Variants in FARSB observed in about 807,000 individuals in gnomAD.
FARSB encodes the protein phenylalanine--tRNA ligase beta subunit.
FARSB carries 40 observed loss-of-function variants against 69.6 expected under a neutral mutation model. The ratio of observed to expected loss-of-function variants is 0.57; its 90% CI spans 0.45 to 0.75. The LOEUF (loss-of-function observed/expected upper bound fraction) is 0.75, where lower values mean the gene tolerates loss of function less well. FARSB is among the 30% of genes least tolerant of loss of function. The probability of loss-of-function intolerance (pLI) is 0.00; values close to 1 mark genes in which losing one functional copy is unlikely to be tolerated. For synonymous variants in FARSB, 235 were observed against 247.2 expected (o/e 0.95, Z 0.46); for missense variants, 632 against 722.9 (o/e 0.87, Z 1.44).
At chr2:222,576,689 A>C (rs1689848523) in intron 16 of FARSB, among the ~76,000 whole-genome samples, 1 of 152,132 alleles carries the variant, frequency 6.6e-6, no homozygotes, top group Non-Finnish European at 1.5e-5. Flanking sequence ...AAACATCTCC[A>C]GTGTTCCATA....
intron 2 of FARSB, among the ~76,000 whole-genome samples, chr2:222,648,088 C>T (rs771327912): frequency 1.3e-5 from 2 of 151,974 alleles, no homozygotes; most frequent in South Asian, 4.2e-4. Context: ...CAAGCCCCCG[C>T]GAGGAAGGAC....
intron 7 of FARSB, among the ~76,000 whole-genome samples, chr2:222,632,481 G>T (rs1691458266): frequency 6.6e-6 from 1 of 152,168 alleles, no homozygotes; most frequent in African/African-American, 2.4e-5. Context: ...TTGAGAAGAA[G>T]CTTCTCCTTC....
intron 3 of FARSB, among the ~76,000 whole-genome samples, chr2:222,642,407 G>C (rs985451882): frequency 6.6e-6 from 1 of 152,192 alleles, no homozygotes; most frequent in African/African-American, 2.4e-5. Context: ...CAAGATCACA[G>C]AGCCGTCATA....
intron 15 of FARSB, among the ~76,000 whole-genome samples, chr2:222,607,748 A>T (rs73993711): frequency 0.039 from 5,947 of 152,022 alleles, 182 homozygotes; most frequent in African/African-American, 0.081. Context: ...CAATTTTTTT[A>T]AAAAGAAATA....
chr2:222,645,542 T>C (rs1447112), intron 2 of FARSB, among the ~76,000 whole-genome samples: 49,676 of 151,780 alleles, frequency 0.33, 8,354 homozygotes, highest in Middle Eastern at 0.46. Flanking sequence ...AAGCACTGAA[T>C]AGGTGAAGAT....
intron 15 of FARSB, among the ~76,000 whole-genome samples, chr2:222,606,605 G>A (rs1462795869): frequency 6.6e-6 from 1 of 152,170 alleles, no homozygotes; most frequent in African/African-American, 2.4e-5. Flanking sequence ...AGGAGGGGCG[G>A]CTAGCTACAA....
chr2:222,640,760 C>CAAA (rs948738271), intron 4 of FARSB, 102 bp downstream of exon 4: 1 of 571,744 alleles, frequency 1.7e-6, no homozygotes. Flanking sequence ...TGTCTCAAAA[C>CAAA]AAAAAAAAAA....
intron 2 of FARSB, among the ~76,000 whole-genome samples, chr2:222,645,647 T>C (rs1166810912): frequency 6.6e-6 from 1 of 151,978 alleles, no homozygotes; most frequent in East Asian, 1.9e-4. Context: ...AATTGGGCTT[T>C]TATTGGCAAT....
At chr2:222,602,931 T>TTAG (rs2106200142) in intron 15 of FARSB, among the ~76,000 whole-genome samples, 1 of 152,210 alleles carries the variant, frequency 6.6e-6, no homozygotes, top group Non-Finnish European at 1.5e-5. Flanking sequence ...GAGCTTGAAA[T>TTAG]TAGACATATT....
At chr2:222,605,598 G>A (rs1690685539) in intron 15 of FARSB, among the ~76,000 whole-genome samples, 1 of 152,154 alleles carries the variant, frequency 6.6e-6, no homozygotes, top group Non-Finnish European at 1.5e-5. Context: ...AACTTGTGAT[G>A]AGAATAATAA....
At position 222,567,494 on chromosome 2, in the gene FARSB, T is replaced by C. The variant is rs560802174; in HGVS notation, c.*4377A>G. Reference sequence around the variant, plus strand: ...TAAGATTGAGAAGCAAGATTGTGAGTAATGTTCTCTCTTACCAAGCTGATG... The same window carrying C: ...TAAGATTGAGAAGCAAGATTGTGAGCAATGTTCTCTCTTACCAAGCTGATG... On this transcript the variant is annotated 3_prime_UTR_variant, in exon 17 of 17. Transcript: ENST00000281828. The C allele has an allele frequency of 1.5e-4, 23 of 152,288 alleles. No individual in the cohort carries two copies. The highest frequency in any genetic ancestry group is 3.9e-4 in the Admixed American group (6 of 15,304). 9.4% of individuals were successfully genotyped at this position (152,288 alleles called of 1,614,324 possible). A position where few individuals can be genotyped will look rare whatever the true frequency, so the allele number is the denominator to read the frequency against.
chr2:222,625,201 G>C (rs556719641), intron 10 of FARSB, among the ~76,000 whole-genome samples: 53 of 152,294 alleles, frequency 3.5e-4, no homozygotes, highest in African/African-American at 1.2e-3. Flanking sequence ...CTAAGTCTAA[G>C]AGCATGATGA....
intron 16 of FARSB, among the ~76,000 whole-genome samples, chr2:222,587,976 T>C (rs1280545087): frequency 1.3e-5 from 2 of 152,048 alleles, no homozygotes; most frequent in East Asian, 3.9e-4. Flanking sequence ...CCAATCAATA[T>C]AAAAAGAGGA....
chr2:222,643,131 T>C (rs779206856), intron 2 of FARSB, 126 bp from the exon 3 acceptor site: 3 of 519,798 alleles, frequency 5.8e-6, no homozygotes, highest in Non-Finnish European at 6.8e-6. Context: ...AACATGGGAT[T>C]ATTATATCCA....
intron 15 of FARSB, among the ~76,000 whole-genome samples, chr2:222,604,218 A>T (rs979008587): frequency 3.0e-5 from 4 of 135,434 alleles, no homozygotes; most frequent in Non-Finnish European, 6.4e-5. Flanking sequence ...ACTCCGTCTT[A>T]AAAAAAAAAA....
Position 222,640,673 on chromosome 2 carries a change from T to C in FARSB, c.339+189A>G, listed in dbSNP as rs181931617. On this transcript the variant is annotated intron_variant, in intron 4 of 16. Transcript: ENST00000281828. ...CAGGAGGCTGAGGTGGGAGGATCAC[T>C]TGAGCCTGGGAAGCAGAGGTTGCAG... Among the ~76,000 whole-genome samples the C allele has an allele frequency of 2.1e-3, 325 of 152,336 alleles. No individual in the cohort carries two copies. Among genetic ancestry groups the C allele is most frequent in the Non-Finnish European group, 3.7e-3 (253 of 68,022 alleles).
intron 15 of FARSB, among the ~76,000 whole-genome samples, chr2:222,609,039 C>T (rs1690776324): frequency 6.6e-6 from 1 of 152,188 alleles, no homozygotes. Flanking sequence ...TCTTACATTG[C>T]AAAGCCAAAC....
chr2:222,617,815 G>A (rs1574935225), intron 14 of FARSB, among the ~76,000 whole-genome samples: 1 of 152,326 alleles, frequency 6.6e-6, no homozygotes, highest in African/African-American at 2.4e-5. Context: ...CCCAAGAGGC[G>A]GAGGTTGCAG....
At chr2:222,625,124 CTCG>C (rs536071333) in intron 10 of FARSB, among the ~76,000 whole-genome samples, 30 of 152,298 alleles carry the variant, frequency 2.0e-4, no homozygotes, top group Non-Finnish European at 3.8e-4. Context: ...GATTTTCAGT[CTCG>C]TCCTATGCAA....
Sources: allele counts gnomAD v4.1 joint callset (sites outside exome capture counted in the v4.1 genomes callset), GRCh38; gene constraint gnomAD v4.1.1; transcripts MANE v1.5; gene names NCBI Gene and HGNC (gene_info 2026-07-23, HGNC 2026-07-21).